The following DUS4L variants were observed in gnomAD, a reference collection of about 807,000 sequenced individuals.
The protein encoded by DUS4L is dihydrouridine synthase 4 like.
DUS4L carries 31 observed loss-of-function variants against 33.8 expected under a neutral mutation model. The ratio of observed to expected loss-of-function variants is 0.92; its 90% confidence interval spans 0.69 to 1.24. DUS4L has a LOEUF of 1.24. Ranked by LOEUF, DUS4L falls within the 50% of genes most tolerant of loss-of-function variation. The pLI is 0.00. For synonymous variants in DUS4L, 103 were observed against 120.3 expected (o/e 0.86, Z 0.94); for missense variants, 368 against 388.6 (o/e 0.95, Z 0.45).
At position 107,573,812 on chromosome 7, in the gene DUS4L, G is replaced by A; in HGVS notation, c.347G>A (p.Cys116Tyr). ...YANGIDINCG[C>Y]PQRWAMAEGY... ...AATGGAATAGACATTAACTGTGGTT[G>A]CCCTCAGAGGTAAAGCTCAAAGAAG... Residue 116 changes from cysteine to tyrosine, a missense_variant, in exon 5 of 8, where the codon TGC becomes TAC. Transcript: ENST00000265720. 6.5e-7 allele frequency: 1 copy of A among 1,541,978 alleles called. No homozygotes were observed. The highest frequency in any genetic ancestry group is 8.7e-7 in the Non-Finnish European group (1 of 1,143,348).
Position 107,567,185 on chromosome 7 carries a change from A to G in DUS4L, c.115A>G (p.Lys39Glu). 6.2e-7 allele frequency: 1 copy of G among 1,610,720 alleles called. No homozygotes were observed. Among genetic ancestry groups the G allele is most frequent in the Middle Eastern group, 1.7e-4 (1 of 6,046 alleles). The change falls in exon 3 of 8, where the codon AAG (lysine) becomes GAG (glutamate). Residue 39 changes from lysine (K) to glutamate (E), a missense_variant and splice_region_variant. Transcript: ENST00000265720. ...CTGTGCCCCAATGGTTCGATATTCA[A>G]AGTAAGTGTTGCAAAATGATTAATG... ...KVCAPMVRYS[K>E]LAFRTLVRKY...
intron 4 of DUS4L, among the ~76,000 whole-genome samples, chr7:107,571,839 T>C (rs1319863840): frequency 6.6e-6 from 1 of 152,166 alleles, no homozygotes; most frequent in Non-Finnish European, 1.5e-5. Flanking sequence ...GAATACATCT[T>C]CTGCAGCCTT....
At chr7:107,567,575 CTT>C (rs1804823869) in intron 3 of DUS4L, among the ~76,000 whole-genome samples, 1 of 152,092 alleles carries the variant, frequency 6.6e-6, no homozygotes, top group Admixed American at 6.5e-5. Flanking sequence ...TTCTTCGTAT[CTT>C]TTGCTCATCT....
intron 3 of DUS4L, among the ~76,000 whole-genome samples, chr7:107,569,282 T>G (rs1584988812): frequency 6.6e-6 from 1 of 152,256 alleles, no homozygotes; most frequent in African/African-American, 2.4e-5. Flanking sequence ...TTTTCTGTTT[T>G]GTTCCATTGA....
At chr7:107,568,165 G>C (rs1228898308) in intron 3 of DUS4L, among the ~76,000 whole-genome samples, 2 of 152,144 alleles carry the variant, frequency 1.3e-5, no homozygotes, top group Non-Finnish European at 2.9e-5. Flanking sequence ...ACAGGTCTCT[G>C]AGACCCTGCT....
At chr7:107,570,283 A>G (rs1375815138) in intron 3 of DUS4L, 3 of 152,182 alleles carry the variant, frequency 2.0e-5, no homozygotes, top group African/African-American at 7.2e-5. Context: ...GCTATCTGAT[A>G]GAAATCCAAG....
At chr7:107,574,197 C>G (rs1318695019) in intron 5 of DUS4L, among the ~76,000 whole-genome samples, 1 of 152,166 alleles carries the variant, frequency 6.6e-6, no homozygotes, top group Admixed American at 6.5e-5. Context: ...GATTGTTTGA[C>G]TTAGGAAATC....
intron 6 of DUS4L, 63 bp from the exon 7 acceptor site, chr7:107,576,303 C>T (rs757100781): frequency 1.4e-5 from 20 of 1,436,332 alleles, no homozygotes; most frequent in Non-Finnish European, 1.9e-5. Flanking sequence ...CCATTTTAGT[C>T]AGTTAATGTT....
At chr7:107,564,290 A>C (rs1172799275) in intron 1 of DUS4L, 81 bp downstream of exon 1, 2 of 473,510 alleles carry the variant, frequency 4.2e-6, no homozygotes, top group Non-Finnish European at 7.7e-6. Flanking sequence ...GGCGTAAGGC[A>C]GGAGAGCAGA....
At chr7:107,575,145 C>T (rs1805614813) in intron 5 of DUS4L, 43 bp from the exon 6 acceptor site, 1 of 1,605,722 alleles carries the variant, frequency 6.2e-7, no homozygotes, top group African/African-American at 1.3e-5. Flanking sequence ...TCTTCTCTTC[C>T]AGTTATTTAT....
intron 3 of DUS4L, 97 bp downstream of exon 3, chr7:107,567,283 T>C: frequency 1.1e-6 from 1 of 939,526 alleles, no homozygotes; most frequent in Non-Finnish European, 1.6e-6. Flanking sequence ...ATATGGGAAC[T>C]TCAAACTCTT....
rs1394106061 is a variant in DUS4L at position 107,567,126 on chromosome 7, T to C, written c.56T>C (p.Ile19Thr). The change falls in exon 3 of 8, where the codon ATA (isoleucine) becomes ACA (threonine). Residue 19 changes from isoleucine to threonine, a missense_variant. Coordinates refer to ENST00000265720, the MANE Select transcript of DUS4L (RefSeq NM_181581.3). ...TICQERKKDP[I>T]EMFHSGQLVK... ...TGTCAGGAAAGAAAAAAAGATCCCA[T>C]AGAAATGTTTCATTCTGGACAGCTG... is the stretch of plus-strand genomic sequence containing the variant. 4 of 1,613,572 alleles carry C rather than the reference T, an allele frequency of 2.5e-6. No individual in the cohort carries two copies. The highest frequency in any genetic ancestry group is 2.5e-6 in the Non-Finnish European group (3 of 1,179,762).
intron 3 of DUS4L, among the ~76,000 whole-genome samples, chr7:107,568,116 G>A (rs1452083652): frequency 6.6e-6 from 1 of 152,012 alleles, no homozygotes; most frequent in Non-Finnish European, 1.5e-5. Context: ...ATGAACTATG[G>A]GTGTACAAAT....
chr7:107,571,340 A>G, intron 4 of DUS4L, 74 bp downstream of exon 4: 3 of 1,528,864 alleles, frequency 2.0e-6, no homozygotes, highest in Non-Finnish European at 1.8e-6. Flanking sequence ...CTTATCAGAA[A>G]CAACACAATT....
intron 5 of DUS4L, chr7:107,574,821 ATCTT>A: frequency 3.4e-6 from 1 of 294,346 alleles, no homozygotes; most frequent in Non-Finnish European, 6.4e-6. Context: ...AGCCAAAAAT[ATCTT>A]TCTACTATTG....
At position 107,573,277 on chromosome 7, in the gene DUS4L, G is replaced by A. The variant is rs139981908; in HGVS notation, c.239-427G>A. Among the ~76,000 whole-genome samples, 779 of 152,168 alleles carry A rather than the reference G, an allele frequency of 5.1e-3. 3 individuals are homozygous for A. The highest frequency in any genetic ancestry group is 7.3e-3 in the Non-Finnish European group (495 of 67,994). ...ACACTATATGGTCCATCCGTACAGC[G>A]GAATATCCCACTATAAAGAAGAAAA... On this transcript the variant is annotated intron_variant, in intron 4 of 7. Coordinates refer to ENST00000265720, the MANE Select transcript of DUS4L (RefSeq NM_181581.3).
At chr7:107,572,087 A>T (rs1035124576) in intron 4 of DUS4L, among the ~76,000 whole-genome samples, 2 of 150,480 alleles carry the variant, frequency 1.3e-5, no homozygotes, top group African/African-American at 2.5e-5. Context: ...TGTTGCACTT[A>T]ATCACTTAAT....
chr7:107,577,198 A>G (rs1293439890), intron 7 of DUS4L, 115 bp from the exon 8 acceptor site: 2 of 1,421,018 alleles, frequency 1.4e-6, no homozygotes, highest in Non-Finnish European at 9.5e-7. Flanking sequence ...CAATAAAGAC[A>G]TTACAAAACC....
chr7:107,577,868 G>A lies in DUS4L; in HGVS notation c.*308G>A. ...AGATATTGGGGGGATGGGTAGAGTG[G>A]GAATTTTTTCCTAATCATGTTTTTA... On this transcript the variant is annotated 3_prime_UTR_variant, in exon 8 of 8. Coordinates refer to ENST00000265720, the MANE Select transcript of DUS4L (RefSeq NM_181581.3). 5.4e-6 allele frequency: 1 copy of A among 186,382 alleles called. No homozygotes were observed. The highest frequency in any genetic ancestry group is 1.1e-5 in the Non-Finnish European group (1 of 90,752). The allele number at this position is 186,382 out of a possible 1,614,324, so 11.5% of individuals were successfully genotyped here. A position where few individuals can be genotyped will look rare whatever the true frequency, so the allele number is the denominator to read the frequency against.
Sources: allele counts gnomAD v4.1 joint callset (sites outside exome capture counted in the v4.1 genomes callset), GRCh38; gene constraint gnomAD v4.1.1; transcripts MANE v1.5; gene names NCBI Gene and HGNC (gene_info 2026-07-23, HGNC 2026-07-21).